The following PP2D1 variants were observed in gnomAD, a reference collection of about 807,000 sequenced individuals.
The protein encoded by PP2D1 is protein phosphatase 2C-like domain-containing protein 1.
Under a neutral mutation model 30.2 loss-of-function variants are expected in PP2D1, and 25 were observed. The observed-to-expected ratio is 0.83, with a 90% CI of 0.60 to 1.16. The LOEUF (loss-of-function observed/expected upper bound fraction) is 1.16. Among genes scored for constraint, PP2D1 ranks in the 50% most tolerant of loss-of-function variants. The pLI, the probability that PP2D1 is intolerant of heterozygous loss-of-function variation, is 0.00. For synonymous variants in PP2D1, 260 were observed against 258.9 expected (o/e 1.00, Z -0.04); for missense variants, 760 against 742.4 (o/e 1.02, Z -0.28).
intron 1 of PP2D1, among the ~76,000 whole-genome samples, chr3:20,010,860 G>A (rs923757606): frequency 6.6e-6 from 1 of 152,108 alleles, no homozygotes; most frequent in Non-Finnish European, 1.5e-5. Flanking sequence ...CAATAGGCCA[G>A]CTACCGTGCA....
In PP2D1 at chr3:20,001,802, A is replaced by G; in HGVS notation, c.318T>C (p.Ile106=). 1 of 1,535,258 alleles carries G rather than the reference A, an allele frequency of 6.5e-7. No individual in the cohort carries two copies. The change falls in exon 2 of 3, where the codon ATT becomes ATC. Residue 106 remains isoleucine, a synonymous_variant. Coordinates refer to ENST00000389050, the MANE Select transcript of PP2D1 (RefSeq NM_001252657.2). ...MGRKKPQPSV[I]AVQRQFMISK... ...AAATCATGAACTGTCTCTGAACAGC[A>G]ATCACTGAGGGCTGTGGTTTCTTTC...
chr3:19,983,902 C>T, downstream of PP2D1: 2 of 919,964 alleles, frequency 2.2e-6, no homozygotes, highest in Non-Finnish European at 3.4e-6. Flanking sequence ...TTTAACCAGC[C>T]CAGTATGACT....
downstream of PP2D1, chr3:19,984,832 C>CT (rs1456720708): frequency 6.5e-6 from 1 of 152,934 alleles, no homozygotes; most frequent in Non-Finnish European, 1.5e-5. Context: ...CTCTCTCCCC[C>CT]TTTGACAGGA....
intron 2 of PP2D1, among the ~76,000 whole-genome samples, chr3:19,999,841 A>T (rs1422480710): frequency 6.6e-6 from 1 of 152,190 alleles, no homozygotes; most frequent in African/African-American, 2.4e-5. Context: ...TAAATCTGTA[A>T]TGATTATGTC....
chr3:20,000,128 G>GT (rs1697233183), intron 2 of PP2D1, among the ~76,000 whole-genome samples: 1 of 152,170 alleles, frequency 6.6e-6, no homozygotes, highest in South Asian at 2.1e-4. Context: ...CCCTTAAGAG[G>GT]TAACATGATA....
intron 2 of PP2D1, among the ~76,000 whole-genome samples, chr3:20,000,002 T>G (rs1362438085): frequency 6.6e-6 from 1 of 152,218 alleles, no homozygotes; most frequent in Admixed American, 6.5e-5. Context: ...AGGCTGACTT[T>G]CTGGCACCTT....
chr3:20,001,066 T>C lies in PP2D1; in HGVS notation c.1054A>G (p.Lys352Glu). The change falls in exon 2 of 3, where the codon AAA becomes GAA. Residue 352 changes from lysine to glutamate, a missense_variant. Lys to Glu is a moderately conservative substitution (Grantham distance 56). This residue lies in a region of PP2D1 where 17 missense variants were observed against 37.4 expected (regional missense o/e 0.45). Transcript: ENST00000389050. The part of the protein sequence containing the change: ...AESSPSQEMP[K>E]IISGILHVAN... ...ACATGTAATATTCCAGAAATTATTT[T>C]TGGCATCTCCTGGGAAGGGGAGCTC... 1 of 1,396,424 alleles carries C rather than the reference T, an allele frequency of 7.2e-7. No individual in the cohort carries two copies. The highest frequency in any genetic ancestry group is 9.3e-7 in the Non-Finnish European group (1 of 1,077,024). The allele number at this position is 1,396,424 out of a possible 1,614,324, so 86.5% of individuals were successfully genotyped here. A position where few individuals can be genotyped will look rare whatever the true frequency, so the allele number is the denominator to read the frequency against.
At chr3:20,004,558 T>A (rs550686649) in intron 1 of PP2D1, among the ~76,000 whole-genome samples, 7 of 152,284 alleles carry the variant, frequency 4.6e-5, no homozygotes, top group South Asian at 2.1e-4. Context: ...AGAATTTTTT[T>A]AAAAACTACA....
intron 1 of PP2D1, among the ~76,000 whole-genome samples, chr3:20,003,588 CA>C (rs1169754444): frequency 6.6e-6 from 1 of 151,630 alleles, no homozygotes; most frequent in African/African-American, 2.4e-5. Context: ...ACTAAAAATA[CA>C]AAAAATTAGC....
Position 19,985,952 on chromosome 3 carries a change from CAG to C in PP2D1, c.1319_1320del (p.Ser440CysfsTer5), listed in dbSNP as rs1697026845. On this transcript the variant is annotated frameshift_variant, in exon 3 of 3. Coordinates refer to ENST00000389050, the MANE Select transcript of PP2D1 (RefSeq NM_001252657.2). LOFTEE classifies it low-confidence loss of function (END_TRUNC). The stretch of plus-strand genomic sequence containing the variant: ...AATTGACATAGGTCATCTATAGGGA[CAG>C]AAATAGTTTGAGGTGCTGGGATAAT... ...KSIIPAPQTISVPIDDLCQFL... is the reference protein window; with the variant it reads ...KSIIPAPQTIXVPIDDLCQFL... 1.3e-6 allele frequency: 2 copies of C among 1,536,158 alleles called. No individual in the cohort carries two copies. The highest frequency in any genetic ancestry group is 1.7e-6 in the Non-Finnish European group (2 of 1,146,926).
intron 2 of PP2D1, among the ~76,000 whole-genome samples, chr3:19,994,178 A>G (rs13082980): frequency 0.2 from 29,744 of 152,108 alleles, 2,943 homozygotes; most frequent in African/African-American, 0.26. Context: ...CAGTGAACCA[A>G]AAATAAACCT....
chr3:19,984,154 T>G, downstream of PP2D1: 1 of 403,878 alleles, frequency 2.5e-6, no homozygotes, highest in Non-Finnish European at 4.6e-6. Flanking sequence ...TTCTCCACAC[T>G]GGTACAGTAG....
chr3:19,986,043 T>C lies in PP2D1; in HGVS notation c.1230A>G (p.Val410=). 6.5e-7 allele frequency: 1 copy of C among 1,536,124 alleles called. No individual in the cohort carries two copies. Residue 410 remains valine, a synonymous_variant, in exon 3 of 3, where the codon GTA becomes GTG. Transcript: ENST00000389050. ...VISSNEPYGL[V]EGQVKTTRGL... ...CTCGTGTAGTTTTTACTTGCCCCTC[T>C]ACAAGCCCGTATGGTTCATTTGAAC... is the stretch of plus-strand genomic sequence containing the variant.
downstream of PP2D1, chr3:19,984,484 A>G: frequency 4.4e-6 from 1 of 228,270 alleles, no homozygotes; most frequent in South Asian, 5.2e-5. Context: ...GAGAACTAAT[A>G]AATGCACCTT....
In PP2D1 at chr3:19,985,629, C is replaced by T. The variant is rs1369840414; in HGVS notation, c.1644G>A (p.Glu548=). ...TTTCTGCTGGAAATGTTTCTACATT[C>T]TCAGGGTTATAAATACAGTATTTAG... ...NYSKYCIYNP[E]NVETFPAETT... is the part of the protein sequence containing the mutation. Residue 548 remains glutamate (E), a synonymous_variant, in exon 3 of 3, where the codon GAG becomes GAA. Transcript: ENST00000389050. The T allele has an allele frequency of 7.2e-6, 11 of 1,535,738 alleles. No individual in the cohort carries two copies. The highest frequency in any genetic ancestry group is 2.4e-5 in the South Asian group (2 of 84,054).
At chr3:20,009,366 G>A (rs957586849) in intron 1 of PP2D1, among the ~76,000 whole-genome samples, 4 of 151,868 alleles carry the variant, frequency 2.6e-5, no homozygotes, top group Admixed American at 6.6e-5. Context: ...GAGAATGAGC[G>A]GGGAGAATTG....
At chr3:19,997,441 A>G (rs1697194952) in intron 2 of PP2D1, among the ~76,000 whole-genome samples, 1 of 151,112 alleles carries the variant, frequency 6.6e-6, no homozygotes, top group South Asian at 2.1e-4. Flanking sequence ...GTTCCCCCCA[A>G]ACATCATGTT....
In PP2D1 at chr3:20,001,027, T is replaced by TA; in HGVS notation, c.1090+2dup. On this transcript the variant is annotated splice_region_variant and intron_variant, in intron 2 of 2. Transcript: ENST00000389050. ...GTTATTTGGTGCTATTCAATGTACA[T>TA]ACCAGTGTTTGCAACATGTAATATT... 1 of 1,386,180 alleles carries TA rather than the reference T, an allele frequency of 7.2e-7. No individual in the cohort carries two copies. Among genetic ancestry groups the TA allele is most frequent in the Non-Finnish European group, 9.3e-7 (1 of 1,069,666 alleles). The allele number at this position is 1,386,180 out of a possible 1,614,324, so 85.9% of individuals were successfully genotyped here. A position where few individuals can be genotyped will look rare whatever the true frequency, so the allele number is the denominator to read the frequency against.
intron 2 of PP2D1, among the ~76,000 whole-genome samples, chr3:19,994,496 T>C (rs1697154040): frequency 6.6e-6 from 1 of 152,108 alleles, no homozygotes; most frequent in Non-Finnish European, 1.5e-5. Context: ...CCACCAACCT[T>C]CATGTATTTG....
Sources: gnomAD v4.1 joint callset for allele counts (sites outside exome capture counted in the v4.1 genomes callset) on GRCh38, gnomAD v4.1.1 for gene constraint, gnomAD v4.1.1 regional missense constraint, MANE v1.5 for transcripts, NCBI Gene and HGNC (gene_info 2026-07-23, HGNC 2026-07-21) for gene names.